ALKBH8: variants seen among roughly 807,000 people sequenced by gnomAD.
The protein encoded by ALKBH8 is alkB homolog 8, tRNA methyltransferase, also known as tRNA (carboxymethyluridine(34)-5-O)-methyltransferase ALKBH8.
ALKBH8 carries 36 observed loss-of-function variants against 59.8 expected under a neutral mutation model. The ratio of observed to expected loss-of-function variants is 0.60; its 90% CI spans 0.46 to 0.79. The LOEUF is 0.79. Among genes scored for constraint, ALKBH8 ranks in the 30% least tolerant of loss-of-function variants. ALKBH8 has a pLI of 0.00. For missense variants in ALKBH8, 768 were observed against 801.0 expected (o/e 0.96, Z 0.50); for synonymous variants, 276 against 273.6 (o/e 1.01, Z -0.09).
intron 7 of ALKBH8, among the ~76,000 whole-genome samples, chr11:107,549,026 T>C (rs1864385603): frequency 6.6e-6 from 1 of 152,076 alleles, no homozygotes; most frequent in Non-Finnish European, 1.5e-5. Context: ...AATTTTTTTG[T>C]ATTTTTAGTA....
chr11:107,540,429 A>G (rs554242636), intron 7 of ALKBH8, among the ~76,000 whole-genome samples: 1 of 152,348 alleles, frequency 6.6e-6, no homozygotes, highest in Admixed American at 6.5e-5. Flanking sequence ...TAAAATAAAA[A>G]TAAAAGGCAT....
At chr11:107,508,669 G>A (rs978787710) in intron 11 of ALKBH8, among the ~76,000 whole-genome samples, 1 of 152,012 alleles carries the variant, frequency 6.6e-6, no homozygotes, top group Non-Finnish European at 1.5e-5. Flanking sequence ...CAACTCCCAT[G>A]CCTCCCTCCC....
chr11:107,520,731 T>C (rs561210045), intron 10 of ALKBH8, among the ~76,000 whole-genome samples: 3 of 152,290 alleles, frequency 2.0e-5, no homozygotes, highest in African/African-American at 7.2e-5. Flanking sequence ...GTAAACATGG[T>C]AACAATATAT....
At chr11:107,534,467 A>G (rs1863727136) in intron 7 of ALKBH8, among the ~76,000 whole-genome samples, 1 of 152,224 alleles carries the variant, frequency 6.6e-6, no homozygotes, top group African/African-American at 2.4e-5. Flanking sequence ...ATATCCACCT[A>G]GAAGTTACAC....
intron 9 of ALKBH8, 140 bp downstream of exon 9, chr11:107,525,301 G>C (rs1448050671): frequency 3.0e-6 from 2 of 665,426 alleles, no homozygotes; most frequent in Middle Eastern, 4.4e-4. Context: ...AAAAGTGCAT[G>C]AAAGTGCAAT....
At chr11:107,519,089 G>A (rs918535341) in intron 10 of ALKBH8, among the ~76,000 whole-genome samples, 5 of 152,050 alleles carry the variant, frequency 3.3e-5, no homozygotes, top group Non-Finnish European at 7.4e-5. Flanking sequence ...ACTGTACCCT[G>A]CTGGTTATAT....
At position 107,522,421 on chromosome 11, in the gene ALKBH8, T is replaced by C; in HGVS notation, c.1165A>G (p.Thr389Ala). 6.4e-7 allele frequency: 1 copy of C among 1,551,806 alleles called. No homozygotes were observed. Among genetic ancestry groups the C allele is most frequent in the Non-Finnish European group, 8.7e-7 (1 of 1,147,022 alleles). The change falls in exon 10 of 12, where the codon ACA becomes GCA. Residue 389 changes from threonine (T) to alanine (A), a missense_variant. Transcript: ENST00000428149. The stretch of plus-strand genomic sequence containing the variant: ...ATGTGCGGCCAAGGGGTATGTCTTG[T>C]GCTGCTGAAGTGCCCAGCAATCTCT... Reference protein sequence around the residue: ...YEEIAGHFSSTRHTPWPHIVE... With the variant: ...YEEIAGHFSSARHTPWPHIVE...
chr11:107,538,095 C>T (rs529191135), intron 7 of ALKBH8, among the ~76,000 whole-genome samples: 4 of 152,046 alleles, frequency 2.6e-5, no homozygotes, highest in Non-Finnish European at 5.9e-5. Context: ...TCTTCATATG[C>T]TTACAAAGCC....
Position 107,510,899 on chromosome 11 carries a change from A to T in ALKBH8, c.1425T>A (p.His475Gln). ...DACISIAVIHHFATAERRVAA... is the reference protein window; with the variant it reads ...DACISIAVIHQFATAERRVAA... ...AGACCATACTTACTGCTGTTGCAAA[A>T]TGATGAATAACAGCAATGGAGATGC... Residue 475 changes from histidine (H) to glutamine (Q), a missense_variant, in exon 11 of 12, where the codon CAT becomes CAA. Coordinates refer to ENST00000428149, the MANE Select transcript of ALKBH8 (RefSeq NM_138775.3). 6.4e-7 allele frequency: 1 copy of T among 1,551,460 alleles called. No individual in the cohort carries two copies. The highest frequency in any genetic ancestry group is 8.7e-7 in the Non-Finnish European group (1 of 1,146,858).
At chr11:107,527,661 T>C (rs950884373) in intron 8 of ALKBH8, among the ~76,000 whole-genome samples, 9 of 152,172 alleles carry the variant, frequency 5.9e-5, no homozygotes, top group African/African-American at 2.2e-4. Context: ...AATTAATTTC[T>C]AAATATTGAC....
chr11:107,540,925 T>A (rs534991), intron 7 of ALKBH8, among the ~76,000 whole-genome samples: 114,643 of 152,092 alleles, frequency 0.75, 44,370 homozygotes, highest in South Asian at 0.85. Flanking sequence ...TAATGTATTT[T>A]TACAAATAGG....
intron 7 of ALKBH8, among the ~76,000 whole-genome samples, chr11:107,547,037 T>C (rs1327769606): frequency 3.3e-5 from 5 of 152,152 alleles, no homozygotes; most frequent in Non-Finnish European, 7.4e-5. Flanking sequence ...AAGTATTAAA[T>C]ATAACGTCAA....
chr11:107,532,792 C>A (rs602435), intron 7 of ALKBH8, among the ~76,000 whole-genome samples: 4 of 152,092 alleles, frequency 2.6e-5, no homozygotes, highest in Non-Finnish European at 5.9e-5. Flanking sequence ...TTATTAGCCA[C>A]GTGACACAGG....
intron 9 of ALKBH8, among the ~76,000 whole-genome samples, chr11:107,523,124 G>A (rs1162703962): frequency 1.3e-5 from 2 of 151,556 alleles, no homozygotes; most frequent in Admixed American, 6.6e-5. Context: ...TATATCCAAA[G>A]AAAATGAAAT....
intron 7 of ALKBH8, among the ~76,000 whole-genome samples, chr11:107,539,563 C>A (rs1252315566): frequency 6.6e-6 from 1 of 151,706 alleles, no homozygotes; most frequent in Non-Finnish European, 1.5e-5. Context: ...CTCACCGTTG[C>A]ACTCCAGCCT....
At position 107,554,416 on chromosome 11, in the gene ALKBH8, C is replaced by T. The variant is rs1591321594; in HGVS notation, c.368-438G>A. On this transcript the variant is annotated intron_variant, in intron 3 of 11. Transcript: ENST00000428149. ...TAATAGAGAAATGTAAAATAAAATA[C>T]AACTTTCTAAAGAAATACAAAATAT... Among the ~76,000 whole-genome samples, 3 of 152,190 alleles carry T rather than the reference C, an allele frequency of 2.0e-5. No individual in the cohort carries two copies. In the East Asian group the frequency reaches 5.8e-4, roughly 29 times the overall value.
Position 107,503,836 on chromosome 11 carries a change from G to GATA in ALKBH8, c.*819_*821dup, listed in dbSNP as rs1264873101. The GATA allele has an allele frequency of 2.0e-5, 3 of 152,186 alleles. No homozygotes were observed. The highest frequency in any genetic ancestry group is 6.5e-5 in the Admixed American group (1 of 15,282). The allele number at this position is 152,186 out of a possible 1,614,324, so 9.4% of individuals were successfully genotyped here. The stretch of plus-strand genomic sequence containing the variant: ...GAATTTGGAATACCAATTAACTCTT[G>GATA]ATAATAAATTAGTCAGGATTAGTAG... On this transcript the variant is annotated 3_prime_UTR_variant, in exon 12 of 12. Transcript: ENST00000428149.
chr11:107,553,423 G>A (rs1362308047), intron 4 of ALKBH8, among the ~76,000 whole-genome samples: 2 of 152,032 alleles, frequency 1.3e-5, no homozygotes, highest in Admixed American at 6.6e-5. Flanking sequence ...CAATCAATCT[G>A]AAAACTAACA....
At chr11:107,518,080 AT>A (rs2135489666) in intron 10 of ALKBH8, among the ~76,000 whole-genome samples, 1 of 100,064 alleles carries the variant, frequency 1.0e-5, no homozygotes, top group South Asian at 5.2e-4. Context: ...TAAAAATAAA[AT>A]ACAGAAAAAA....
Sources: allele counts gnomAD v4.1 joint callset (sites outside exome capture counted in the v4.1 genomes callset), GRCh38; gene constraint gnomAD v4.1.1; transcripts MANE v1.5; gene names NCBI Gene and HGNC (gene_info 2026-07-23, HGNC 2026-07-21).